Variants in DNAH6 observed in about 807,000 individuals in gnomAD.
DNAH6 encodes axonemal beta dynein heavy chain 6.
A neutral mutation model predicts 491.4 loss-of-function variants in DNAH6; 340 were observed. The ratio of observed to expected loss-of-function variants is 0.69; its 90% CI spans 0.63 to 0.76. The LOEUF (loss-of-function observed/expected upper bound fraction) is 0.76, where lower values mean the gene tolerates loss of function less well. Ranked by LOEUF, DNAH6 falls within the 30% of genes least tolerant of loss-of-function variation. The probability of loss-of-function intolerance (pLI) is 0.00; values close to 1 mark genes in which losing one functional copy is unlikely to be tolerated. For missense variants in DNAH6, 4,443 were observed against 4,972.2 expected, an observed-to-expected ratio of 0.89 and a Z score of 3.20; for synonymous variants, 1,603 against 1,686.1, an observed-to-expected ratio of 0.95 and a Z score of 1.21.
At chr2:84,460,168 G>T in the DNAH6 span, 2 of 152,176 alleles carry the variant, frequency 1.3e-5, no homozygotes, top group African/African-American at 4.8e-5. Context: ...CAATAAAATT[G>T]CAATCCTAAT....
At chr2:84,713,608 C>G (rs1279982918) in intron 57 of DNAH6, among the ~76,000 whole-genome samples, 1 of 152,248 alleles carries the variant, frequency 6.6e-6, no homozygotes, top group African/African-American at 2.4e-5. Context: ...CTTTTAAACT[C>G]TCTCTTTCCT....
At chr2:84,550,782 G>A (rs141727309) in intron 9 of DNAH6, among the ~76,000 whole-genome samples, 31 of 152,224 alleles carry the variant, frequency 2.0e-4, no homozygotes, top group African/African-American at 6.7e-4. Context: ...AATGCTCCTT[G>A]TGGGCATAAA....
chr2:84,465,927 T>G, the DNAH6 span, among the ~76,000 whole-genome samples: 1 of 152,244 alleles, frequency 6.6e-6, no homozygotes, highest in Non-Finnish European at 1.5e-5. Context: ...ATTATTTGTA[T>G]AAAGTACAGC....
intron 64 of DNAH6, chr2:84,778,238 C>T (rs1676339729): frequency 3.2e-6 from 2 of 631,358 alleles, no homozygotes; most frequent in South Asian, 3.5e-5. Flanking sequence ...GACTTGGAAC[C>T]AAAAGGAATC....
chr2:84,818,658 G>T (rs910022684), intron 76 of DNAH6, among the ~76,000 whole-genome samples: 5 of 152,134 alleles, frequency 3.3e-5, no homozygotes, highest in Admixed American at 1.3e-4. Context: ...AAACAGTCTG[G>T]TTGTTTCAAC....
chr2:84,554,386 G>C (rs745566798), intron 10 of DNAH6, among the ~76,000 whole-genome samples: 1 of 152,156 alleles, frequency 6.6e-6, no homozygotes, highest in South Asian at 2.1e-4. Flanking sequence ...ACAGGGGCAG[G>C]AATTTTGGGG....
intron 4 of DNAH6, among the ~76,000 whole-genome samples, chr2:84,542,054 G>A (rs897581583): frequency 6.6e-6 from 1 of 152,088 alleles, no homozygotes; most frequent in African/African-American, 2.4e-5. Flanking sequence ...GAAGTTCTGC[G>A]ATAAGAAGAG....
At chr2:84,593,730 C>G (rs1284708686) in intron 16 of DNAH6, among the ~76,000 whole-genome samples, 2 of 151,774 alleles carry the variant, frequency 1.3e-5, no homozygotes, top group Non-Finnish European at 2.9e-5. Flanking sequence ...TATTTAAGTT[C>G]TAAGTTCTAA....
chr2:84,607,179 ATAT>A (rs1685851346), intron 21 of DNAH6, 84 bp downstream of exon 21: 10 of 1,323,972 alleles, frequency 7.6e-6, no homozygotes, highest in Non-Finnish European at 9.4e-6. Context: ...CATTATTTAA[ATAT>A]TATATGGTTT....
At chr2:84,525,768 T>C in intron 3 of DNAH6, 30 bp downstream of exon 3, 1 of 1,479,016 alleles carries the variant, frequency 6.8e-7, no homozygotes, top group Non-Finnish European at 9.1e-7. Flanking sequence ...AATTGATTCT[T>C]TTAACTTAAT....
chr2:84,547,535 T>C lies in DNAH6; in HGVS notation c.1109T>C (p.Val370Ala). Residue 370 changes from valine (V) to alanine (A), a missense_variant, in exon 7 of 77, where the codon GTA becomes GCA. By Grantham distance (64) the Val-to-Ala change is moderately conservative (BLOSUM62 0). Coordinates refer to ENST00000389394, the MANE Select transcript of DNAH6 (RefSeq NM_001370.2). Reference protein sequence around the residue: ...LGEFRNEAKYVVRRACRFALR... With the variant: ...LGEFRNEAKYAVRRACRFALR... ...GAATTTCGAAATGAGGCAAAATATG[T>C]AGTCAGGAGGGCTTGTCGATTTGCT... 1 of 1,551,764 alleles carries C rather than the reference T, an allele frequency of 6.4e-7. No homozygotes were observed. The highest frequency in any genetic ancestry group is 8.7e-7 in the Non-Finnish European group (1 of 1,146,938).
In DNAH6 at chr2:84,715,872, T is replaced by C. The variant is rs533140277; in HGVS notation, c.9611+245T>C. On this transcript the variant is annotated intron_variant, in intron 58 of 76. Transcript: ENST00000389394. ...TAGACCCTTAATTCCCCACCCCCACTGTTTGAACCAGGCTGGCAGCCCAGC... is the reference window on the plus strand; with the variant it reads ...TAGACCCTTAATTCCCCACCCCCACCGTTTGAACCAGGCTGGCAGCCCAGC... Among the ~76,000 whole-genome samples the C allele has an allele frequency of 3.3e-5, 5 of 152,250 alleles. No homozygotes were observed. The East Asian group carries it at 7.7e-4, about 24-fold the overall frequency.
the DNAH6 span, among the ~76,000 whole-genome samples, chr2:84,500,787 A>T: frequency 6.6e-6 from 1 of 152,154 alleles, no homozygotes; most frequent in Non-Finnish European, 1.5e-5. Flanking sequence ...ATTTGTGGCT[A>T]TTATAAATGA....
At chr2:84,648,919 C>A (rs1690150580) in intron 33 of DNAH6, among the ~76,000 whole-genome samples, 1 of 152,172 alleles carries the variant, frequency 6.6e-6, no homozygotes, top group Non-Finnish European at 1.5e-5. Flanking sequence ...ACATAGATAT[C>A]TTTCACAAAA....
chr2:84,733,885 T>A (rs1699314331), intron 62 of DNAH6, among the ~76,000 whole-genome samples: 1 of 150,512 alleles, frequency 6.6e-6, no homozygotes, highest in Non-Finnish European at 1.5e-5. Flanking sequence ...TTTTTTTTTT[T>A]ACTTTTTATT....
intron 59 of DNAH6, among the ~76,000 whole-genome samples, chr2:84,721,715 T>G (rs1269052074): frequency 3.3e-5 from 5 of 152,264 alleles, no homozygotes; most frequent in Admixed American, 2.0e-4. Flanking sequence ...TGATTATTTA[T>G]GTGGCTCACA....
intron 14 of DNAH6, among the ~76,000 whole-genome samples, chr2:84,583,525 C>T (rs1167891143): frequency 1.3e-5 from 2 of 152,212 alleles, no homozygotes; most frequent in East Asian, 3.8e-4. Context: ...TACACTCCTT[C>T]TGTGCTGACT....
intron 40 of DNAH6, 90 bp from the exon 41 acceptor site, chr2:84,676,915 A>G: frequency 7.0e-7 from 1 of 1,435,254 alleles, no homozygotes; most frequent in South Asian, 1.3e-5. Context: ...ATGTAATGCA[A>G]TGCTGGCATT....
chr2:84,590,485 C>T (rs113271703), intron 16 of DNAH6, among the ~76,000 whole-genome samples: 64 of 113,542 alleles, frequency 5.6e-4, no homozygotes, highest in African/African-American at 1.8e-3. Context: ...ACAGTGTGAG[C>T]GAGGCTCCAT....
Sources: allele counts gnomAD v4.1 joint callset (sites outside exome capture counted in the v4.1 genomes callset), GRCh38; gene constraint gnomAD v4.1.1; transcripts MANE v1.5; gene names NCBI Gene and HGNC (gene_info 2026-07-23, HGNC 2026-07-21).